The following TICAM2 variants were observed in gnomAD, a reference collection of about 807,000 sequenced individuals.
The protein encoded by TICAM2 is TIR domain containing adaptor molecule 2, also known as TIR domain-containing adapter molecule 2.
TICAM2 carries 8 observed loss-of-function variants against 7.3 expected under a neutral mutation model. That is an observed-to-expected ratio of 1.10 (90% CI 0.65 to 1.99). TICAM2 has a LOEUF of 1.99. TICAM2 is among the 30% of genes most tolerant of loss of function. The probability of loss-of-function intolerance (pLI) is 0.00; values close to 1 mark genes in which losing one functional copy is unlikely to be tolerated. For synonymous variants in TICAM2, 113 were observed against 99.6 expected (o/e 1.13, Z -0.80); for missense variants, 304 against 278.8 (o/e 1.09, Z -0.65).
chr5:115,597,813 T>C (rs1425673958), intron 1 of TICAM2, among the ~76,000 whole-genome samples: 1 of 152,008 alleles, frequency 6.6e-6, no homozygotes, highest in Non-Finnish European at 1.5e-5. Flanking sequence ...TATGTGTGGG[T>C]TTTGCATCCT....
At chr5:115,585,167 G>C (rs1423517836) in intron 1 of TICAM2, among the ~76,000 whole-genome samples, 1 of 152,054 alleles carries the variant, frequency 6.6e-6, no homozygotes, top group Non-Finnish European at 1.5e-5. Context: ...CTATCCTTAG[G>C]GGTTTTATGA....
chr5:115,600,054 G>A (rs1755663361), intron 1 of TICAM2, among the ~76,000 whole-genome samples: 1 of 152,100 alleles, frequency 6.6e-6, no homozygotes, highest in South Asian at 2.1e-4. Flanking sequence ...AGAGAGAGGT[G>A]GGCAGATCTG....
intron 1 of TICAM2, among the ~76,000 whole-genome samples, chr5:115,600,460 G>A (rs1480710640): frequency 6.6e-6 from 1 of 152,176 alleles, no homozygotes; most frequent in Non-Finnish European, 1.5e-5. Flanking sequence ...GAAAAATATG[G>A]CCAAGAAATG....
In TICAM2 at chr5:115,578,718, G is replaced by C. The variant is rs1754808980; in HGVS notation, c.*1831C>G. On this transcript the variant is annotated 3_prime_UTR_variant, in exon 2 of 2. Transcript: ENST00000427199. Reference sequence around the variant, plus strand: ...TTGCCCCAAGTTTGGCAGGCATGAAGAGTGGGCAGTTCATGTTTTATTAGT... The same window carrying C: ...TTGCCCCAAGTTTGGCAGGCATGAACAGTGGGCAGTTCATGTTTTATTAGT... 1 of 152,168 alleles carries C rather than the reference G, an allele frequency of 6.6e-6. No individual in the cohort carries two copies. Among genetic ancestry groups the C allele is most frequent in the South Asian group, 2.1e-4 (1 of 4,828 alleles). The allele number at this position is 152,168 out of a possible 1,614,324, so 9.4% of individuals were successfully genotyped here. A position where few individuals can be genotyped will look rare whatever the true frequency, so the allele number is the denominator to read the frequency against.
At chr5:115,585,347 C>G (rs1755064893) in intron 1 of TICAM2, among the ~76,000 whole-genome samples, 1 of 152,190 alleles carries the variant, frequency 6.6e-6, no homozygotes, top group Non-Finnish European at 1.5e-5. Flanking sequence ...AGATGCCAGT[C>G]TCTGAACTGT....
intron 1 of TICAM2, among the ~76,000 whole-genome samples, chr5:115,595,953 T>C (rs1316122423): frequency 1.1e-4 from 16 of 152,226 alleles, no homozygotes; most frequent in Admixed American, 1.0e-3. Flanking sequence ...ATAATATGTA[T>C]TGCCCAGCAC....
chr5:115,578,690 C>A lies in TICAM2; in HGVS notation c.*1859G>T, dbSNP rs1365333441. ...TTATTTTAAAAATACCATTTAGCAT[C>A]AATTGCCCCAAGTTTGGCAGGCATG... is the stretch of plus-strand genomic sequence containing the variant. On this transcript the variant is annotated 3_prime_UTR_variant, in exon 2 of 2. Coordinates refer to ENST00000427199, the MANE Select transcript of TICAM2 (RefSeq NM_021649.7). 1 of 152,114 alleles carries A rather than the reference C, an allele frequency of 6.6e-6. No homozygotes were observed. Among genetic ancestry groups the A allele is most frequent in the Non-Finnish European group, 1.5e-5 (1 of 68,026 alleles). 9.4% of individuals were successfully genotyped at this position (152,114 alleles called of 1,614,324 possible).
Position 115,591,153 on chromosome 5 carries a change from G to C in TICAM2, c.-59-9838C>G, listed in dbSNP as rs1755286841. Among the ~76,000 whole-genome samples, 3 of 152,182 alleles carry C rather than the reference G, an allele frequency of 2.0e-5. No individual in the cohort carries two copies. In the South Asian group the frequency reaches 6.2e-4, roughly 32 times the overall value. ...CCCAAATCCAGAAGACAGAAACCCA[G>C]AGACGACTCTCCCCCTAGAGTATTT... On this transcript the variant is annotated intron_variant, in intron 1 of 1. Coordinates refer to ENST00000427199, the MANE Select transcript of TICAM2 (RefSeq NM_021649.7).
At chr5:115,598,377 C>T (rs1755590902) in intron 1 of TICAM2, among the ~76,000 whole-genome samples, 1 of 152,138 alleles carries the variant, frequency 6.6e-6, no homozygotes, top group South Asian at 2.1e-4. Flanking sequence ...AACTCTAAAC[C>T]AAACAGGGCT....
chr5:115,588,750 A>C (rs1229607336), intron 1 of TICAM2, among the ~76,000 whole-genome samples: 1 of 152,196 alleles, frequency 6.6e-6, no homozygotes, highest in Non-Finnish European at 1.5e-5. Context: ...CGTCTGAGTT[A>C]AATATGCAAC....
intron 1 of TICAM2, among the ~76,000 whole-genome samples, chr5:115,584,526 T>C (rs1293020138): frequency 1.3e-5 from 2 of 152,230 alleles, no homozygotes; most frequent in Admixed American, 6.5e-5. Context: ...AGTTTATCTA[T>C]AGAACAATTC....
Position 115,580,745 on chromosome 5 carries a change from A to C in TICAM2, c.512T>G (p.Ile171Arg). ...VNRQHKYNSV[I>R]PMRPLNNPLP... is the part of the protein sequence containing the mutation. ...GGGATTGTTCAGGGGCCGCATGGGT[A>C]TAACAGAGTTGTATTTATGCTGCCT... The change falls in exon 2 of 2, where the codon ATA (isoleucine) becomes AGA (arginine). Residue 171 changes from isoleucine to arginine, a missense_variant. By Grantham distance (97) the Ile-to-Arg change is moderately conservative. Transcript: ENST00000427199. The C allele has an allele frequency of 2.5e-6, 4 of 1,602,310 alleles. No homozygotes were observed. The South Asian group carries it at 4.5e-5, about 18-fold the overall frequency.
intron 1 of TICAM2, among the ~76,000 whole-genome samples, chr5:115,599,039 G>A (rs1418345597): frequency 6.7e-6 from 1 of 149,938 alleles, no homozygotes; most frequent in Non-Finnish European, 1.5e-5. Context: ...GACCAGCCTG[G>A]GCAACATAGC....
rs994984254 is a variant in TICAM2, at chr5:115,580,569, G to C, written c.688C>G (p.Gln230Glu). The C allele has an allele frequency of 6.3e-7, 1 of 1,598,018 alleles. No homozygotes were observed. The highest frequency in any genetic ancestry group is 2.2e-5 in the East Asian group (1 of 44,542). Residue 230 changes from glutamine (Q) to glutamate (E), a missense_variant, in exon 2 of 2, where the codon CAA (glutamine) becomes GAA (glutamate). Transcript: ENST00000427199. The stretch of plus-strand genomic sequence containing the variant: ...TCATCTCAGGCAATAAATTGTCTTT[G>C]TACCATATTTCTTGTCTCTTTCCAT... Reference protein sequence around the residue: ...TIWKETRNMVQRQFIA With the variant: ...TIWKETRNMVERQFIA
chr5:115,596,584 T>C (rs1308731101), intron 1 of TICAM2, among the ~76,000 whole-genome samples: 6 of 152,094 alleles, frequency 3.9e-5, no homozygotes, highest in Admixed American at 3.9e-4. Context: ...TTCTTAAATA[T>C]AAATGCCTAG....
At chr5:115,597,770 C>G (rs1018503807) in intron 1 of TICAM2, among the ~76,000 whole-genome samples, 2 of 152,124 alleles carry the variant, frequency 1.3e-5, no homozygotes, top group African/African-American at 4.8e-5. Flanking sequence ...AGTCAGCCTG[C>G]AGAGCCTGCG....
intron 1 of TICAM2, among the ~76,000 whole-genome samples, chr5:115,587,325 G>A (rs151100072): frequency 4.2e-4 from 64 of 152,276 alleles, no homozygotes; most frequent in Non-Finnish European, 7.5e-4. Context: ...ATGATATGGT[G>A]ACCTATGGGA....
At chr5:115,594,617 T>C (rs1755436847) in intron 1 of TICAM2, among the ~76,000 whole-genome samples, 1 of 152,232 alleles carries the variant, frequency 6.6e-6, no homozygotes, top group African/African-American at 2.4e-5. Context: ...AAATGTTGTT[T>C]TCTAGCAAAC....
At chr5:115,583,773 G>C (rs972072528) in intron 1 of TICAM2, among the ~76,000 whole-genome samples, 1 of 152,146 alleles carries the variant, frequency 6.6e-6, no homozygotes, top group Admixed American at 6.5e-5. Flanking sequence ...TCAGTAAAAA[G>C]GGCTCTACTG....
Sources: allele counts gnomAD v4.1 joint callset (sites outside exome capture counted in the v4.1 genomes callset), GRCh38; gene constraint gnomAD v4.1.1; transcripts MANE v1.5; gene names NCBI Gene and HGNC (gene_info 2026-07-23, HGNC 2026-07-21).